The following GALNTL6 variants were observed in gnomAD, a reference collection of about 807,000 sequenced individuals.
GALNTL6 encodes polypeptide N-acetylgalactosaminyltransferase like 6, also known as polypeptide N-acetylgalactosaminyltransferase-like 6.
A neutral mutation model predicts 73.7 loss-of-function variants in GALNTL6; 46 were observed. The observed-to-expected ratio is 0.62, with a 90% CI of 0.49 to 0.80. GALNTL6 has a LOEUF of 0.80. Among genes scored for constraint, GALNTL6 ranks in the 30% least tolerant of loss-of-function variants. The pLI, the probability that GALNTL6 is intolerant of heterozygous loss-of-function variation, is 0.00. For missense variants in GALNTL6, 604 were observed against 755.0 expected, an observed-to-expected ratio of 0.80 and a Z score of 2.34; for synonymous variants, 259 against 263.7, an observed-to-expected ratio of 0.98 and a Z score of 0.17.
Position 172,206,805 on chromosome 4 carries a change from G to GTTTGTTTTTTT in GALNTL6, c.139-22848_139-22847insGTTTTTTTTTT, listed in dbSNP as rs1554003003. ...TTGTTTTGTTTTGTTTTGTTTTTCT[G>GTTTGTTTTTTT]TTTTTTTTGTTTGTTTTTTTTTTTT... On this transcript the variant is annotated intron_variant, in intron 2 of 12. Transcript: ENST00000506823. Among the ~76,000 whole-genome samples, 147 of 26,160 alleles carry GTTTGTTTTTTT rather than the reference G, an allele frequency of 5.6e-3. 6 individuals carry two copies. The highest frequency in any genetic ancestry group is 0.033 in the Middle Eastern group (1 of 30). 17.2% of individuals were successfully genotyped at this position (26,160 alleles called of 152,430 possible). A position where few individuals can be genotyped will look rare whatever the true frequency, so the allele number is the denominator to read the frequency against.
intron 2 of GALNTL6, among the ~76,000 whole-genome samples, chr4:171,850,897 A>C (rs1441281043): frequency 1.3e-5 from 2 of 152,158 alleles, no homozygotes; most frequent in Admixed American, 1.3e-4. Flanking sequence ...TCCAGGAGCT[A>C]TTACTGGGTT....
intron 3 of GALNTL6, among the ~76,000 whole-genome samples, chr4:172,295,187 C>G (rs1042786680): frequency 1.3e-5 from 2 of 151,942 alleles, no homozygotes; most frequent in African/African-American, 4.8e-5. Flanking sequence ...TTTGGGAGGC[C>G]GAGGTGGGTG....
chr4:172,930,181 G>A (rs1050782486), intron 8 of GALNTL6, among the ~76,000 whole-genome samples: 4 of 152,036 alleles, frequency 2.6e-5, no homozygotes, highest in African/African-American at 9.7e-5. Flanking sequence ...GGGAGGCTGA[G>A]GCAGGAGAAT....
intron 5 of GALNTL6, among the ~76,000 whole-genome samples, chr4:172,749,610 A>G (rs1369519300): frequency 2.0e-5 from 3 of 152,018 alleles, no homozygotes; most frequent in African/African-American, 7.2e-5. Context: ...AAGCCCCCCA[A>G]ATCCCTCTTT....
rs528932109 is a variant in GALNTL6, at chr4:172,885,854, A to T, written c.1041+2947A>T. Among the ~76,000 whole-genome samples, 3 of 152,336 alleles carry T rather than the reference A, an allele frequency of 2.0e-5. No homozygotes were observed. The East Asian group carries it at 5.8e-4, about 29-fold the overall frequency. On this transcript the variant is annotated intron_variant, in intron 8 of 12. Coordinates refer to ENST00000506823, the MANE Select transcript of GALNTL6 (RefSeq NM_001034845.3). ...CTTGATTCTCTTGTTGTGATATATC[A>T]CACTTATTGATTTGTATACGTTGAA...
chr4:172,478,296 G>A (rs1357719319), intron 5 of GALNTL6, among the ~76,000 whole-genome samples: 1 of 152,198 alleles, frequency 6.6e-6, no homozygotes. Flanking sequence ...AAACAGCATG[G>A]ACTCGTGTAA....
intron 5 of GALNTL6, among the ~76,000 whole-genome samples, chr4:172,353,809 TAA>T (rs968082427): frequency 6.6e-6 from 1 of 152,060 alleles, no homozygotes; most frequent in East Asian, 1.9e-4. Flanking sequence ...ACATTACCAT[TAA>T]AAAATCCTAG....
chr4:172,822,406 A>G (rs1280169839), intron 7 of GALNTL6, among the ~76,000 whole-genome samples: 1 of 152,144 alleles, frequency 6.6e-6, no homozygotes, highest in African/African-American at 2.4e-5. Context: ...CTGTTCATCC[A>G]TCCTGAAAGA....
At chr4:173,015,388 C>A (rs1752740379) in intron 11 of GALNTL6, among the ~76,000 whole-genome samples, 1 of 152,120 alleles carries the variant, frequency 6.6e-6, no homozygotes, top group African/African-American at 2.4e-5. Context: ...AAGTTTGGAA[C>A]TTGCTAGAGA....
At chr4:171,887,815 G>T (rs928779256) in intron 2 of GALNTL6, among the ~76,000 whole-genome samples, 9 of 152,142 alleles carry the variant, frequency 5.9e-5, no homozygotes, top group Admixed American at 3.9e-4. Context: ...TTTCTGGAAG[G>T]TTACTTGTTC....
At chr4:172,262,221 A>C (rs1186445691) in intron 3 of GALNTL6, among the ~76,000 whole-genome samples, 2 of 151,102 alleles carry the variant, frequency 1.3e-5, no homozygotes, top group Non-Finnish European at 3.0e-5. Context: ...TGTCTGTGCT[A>C]TCAGTGAAGT....
chr4:172,959,622 A>G (rs190745532), intron 10 of GALNTL6, among the ~76,000 whole-genome samples: 1 of 152,082 alleles, frequency 6.6e-6, no homozygotes, highest in East Asian at 1.9e-4. Flanking sequence ...GCAATCAGGC[A>G]GCGTCAGTCT....
intron 4 of GALNTL6, among the ~76,000 whole-genome samples, chr4:172,344,398 C>T (rs533161959): frequency 2.7e-4 from 41 of 152,154 alleles, no homozygotes; most frequent in Admixed American, 5.9e-4. Flanking sequence ...CTAGAATGAC[C>T]GAATAAAATT....
intron 5 of GALNTL6, among the ~76,000 whole-genome samples, chr4:172,393,759 C>T (rs764751149): frequency 2.6e-5 from 4 of 152,070 alleles, no homozygotes; most frequent in Non-Finnish European, 5.9e-5. Flanking sequence ...ACTTTTATTA[C>T]GTGCTTTATT....
chr4:172,332,856 T>C lies in GALNTL6; in HGVS notation c.387-15667T>C, dbSNP rs200830036. On this transcript the variant is annotated intron_variant, in intron 4 of 12. Transcript: ENST00000506823. ...GTTAGATCAAATGGTAATTCTATTT[T>C]TAATTTTTTGAGAAATCGTCATACT... Among the ~76,000 whole-genome samples the C allele has an allele frequency of 8.1e-4, 123 of 152,340 alleles. 2 individuals are homozygous for C. The South Asian group carries it at 0.016, about 19-fold the overall frequency.
In GALNTL6 at chr4:173,040,061, G is replaced by A. The variant is rs1753843693; in HGVS notation, c.1767G>A (p.Met589Ile). ...AGTGGATTTTTGAACACATTAATATGACTGTTTTAGAAAAATTTAACCACC... is the reference window on the plus strand; with the variant it reads ...AGTGGATTTTTGAACACATTAATATAACTGTTTTAGAAAAATTTAACCACC... ...TQQWIFEHIN[M>I]TVLEKFNHHA... is the part of the protein sequence containing the mutation. The change falls in exon 13 of 13, where the codon ATG becomes ATA. Residue 589 changes from methionine to isoleucine, a missense_variant. Met to Ile is a conservative substitution (Grantham distance 10). Around this residue, in one of 5 missense-constraint regions of GALNTL6, gnomAD observed 261 missense variants for 296.5 expected, o/e 0.88. Transcript: ENST00000506823. 1.2e-6 allele frequency: 2 copies of A among 1,613,138 alleles called. No homozygotes were observed. Among genetic ancestry groups the A allele is most frequent in the Non-Finnish European group, 1.7e-6 (2 of 1,179,396 alleles).
chr4:172,347,190 A>G (rs1046568821), intron 4 of GALNTL6, among the ~76,000 whole-genome samples: 14 of 151,752 alleles, frequency 9.2e-5, no homozygotes, highest in Non-Finnish European at 1.3e-4. Flanking sequence ...GGGTTTTGCT[A>G]TGTTGCCCAG....
At chr4:172,766,973 A>G (rs1238681825) in intron 5 of GALNTL6, among the ~76,000 whole-genome samples, 1 of 152,200 alleles carries the variant, frequency 6.6e-6, no homozygotes, top group Non-Finnish European at 1.5e-5. Context: ...TTTGTATTCT[A>G]CTCAATGATT....
In GALNTL6 at chr4:172,308,958, C is replaced by T. The variant is rs143519184; in HGVS notation, c.248-2656C>T. Reference sequence around the variant, plus strand: ...CAATACTTTGTATATCATGGATGCTCAATAACTAGCTGTTATATACATGAA... The same window carrying T: ...CAATACTTTGTATATCATGGATGCTTAATAACTAGCTGTTATATACATGAA... On this transcript the variant is annotated intron_variant, in intron 3 of 12. Coordinates refer to ENST00000506823, the MANE Select transcript of GALNTL6 (RefSeq NM_001034845.3). Among the ~76,000 whole-genome samples the T allele has an allele frequency of 2.9e-3, 445 of 152,242 alleles. 4 individuals are homozygous for T. Among genetic ancestry groups the T allele is most frequent in the African/African-American group, 0.01 (422 of 41,546 alleles).
Sources: allele counts gnomAD v4.1 joint callset (sites outside exome capture counted in the v4.1 genomes callset), GRCh38; gene constraint gnomAD v4.1.1; regional missense constraint gnomAD v4.1.1; transcripts MANE v1.5; gene names NCBI Gene and HGNC (gene_info 2026-07-23, HGNC 2026-07-21).